The following ROBO2 variants were observed in gnomAD, a reference collection of about 807,000 sequenced individuals.
The protein encoded by ROBO2 is roundabout homolog 2.
A neutral mutation model predicts 160.8 loss-of-function variants in ROBO2; 53 were observed. The observed-to-expected ratio is 0.33, with a 90% CI of 0.26 to 0.41. ROBO2 has a LOEUF of 0.41. Among genes scored for constraint, ROBO2 ranks in the 10% least tolerant of loss-of-function variants. The pLI is 1.00. For missense variants in ROBO2, 1,577 were observed against 1,722.4 expected, an observed-to-expected ratio of 0.92 and a Z score of 1.49; for synonymous variants, 664 against 611.7, an observed-to-expected ratio of 1.09 and a Z score of -1.26.
At chr3:77,055,817 T>C (rs1202699801) in intron 1 of ROBO2, among the ~76,000 whole-genome samples, 1 of 152,200 alleles carries the variant, frequency 6.6e-6, no homozygotes, top group Non-Finnish European at 1.5e-5. Flanking sequence ...TCGCTTCTAA[T>C]TTTAAGTTTT....
intron 2 of ROBO2, among the ~76,000 whole-genome samples, chr3:77,401,211 A>ATATTT (rs2075766577): frequency 5.3e-5 from 8 of 151,862 alleles, no homozygotes; most frequent in Middle Eastern, 3.4e-3. Flanking sequence ...CTATGAGCTT[A>ATATTT]CATTTTATTT....
intron 2 of ROBO2, among the ~76,000 whole-genome samples, chr3:76,333,373 A>T (rs921701698): frequency 6.6e-6 from 1 of 152,172 alleles, no homozygotes; most frequent in African/African-American, 2.4e-5. Flanking sequence ...CATGATTCTC[A>T]CTGAATAGAT....
intron 2 of ROBO2, among the ~76,000 whole-genome samples, chr3:77,264,318 T>G (rs1323606610): frequency 1.3e-5 from 2 of 152,168 alleles, no homozygotes; most frequent in Non-Finnish European, 2.9e-5. Context: ...GTTGGTCTTA[T>G]TTTTTTAACA....
At chr3:76,434,644 T>A in intron 2 of ROBO2, 11 of 1,323,888 alleles carry the variant, frequency 8.3e-6, no homozygotes, top group Non-Finnish European at 1.2e-5. Flanking sequence ...GCAAAAGAAC[T>A]GAGTGGACTC....
intron 2 of ROBO2, among the ~76,000 whole-genome samples, chr3:76,017,414 A>T (rs749570852): frequency 7.2e-5 from 11 of 152,106 alleles, no homozygotes; most frequent in African/African-American, 2.4e-4. Flanking sequence ...TTTATTTTCA[A>T]TGTGTCCTGA....
chr3:76,293,226 G>A (rs1321829580), intron 2 of ROBO2, among the ~76,000 whole-genome samples: 4 of 152,258 alleles, frequency 2.6e-5, no homozygotes, highest in Admixed American at 6.5e-5. Flanking sequence ...CTTCTTGTCC[G>A]CTAGCATGTG....
At chr3:75,914,440 C>G (rs1016862606) in intron 1 of ROBO2, among the ~76,000 whole-genome samples, 2 of 152,114 alleles carry the variant, frequency 1.3e-5, no homozygotes, top group Non-Finnish European at 2.9e-5. Context: ...CCTTATTGCT[C>G]TCTGCCTTCC....
intron 2 of ROBO2, among the ~76,000 whole-genome samples, chr3:76,911,981 T>C (rs893949651): frequency 6.6e-6 from 1 of 152,076 alleles, no homozygotes; most frequent in East Asian, 1.9e-4. Flanking sequence ...AAAAAAATAT[T>C]TTAATTAATC....
intron 2 of ROBO2, among the ~76,000 whole-genome samples, chr3:76,558,390 A>AG: frequency 6.6e-6 from 1 of 152,156 alleles, no homozygotes; most frequent in Middle Eastern, 3.4e-3. Context: ...GTGCTATGAG[A>AG]GAAAAAATGT....
chr3:76,939,423 A>G (rs1490856338), intron 2 of ROBO2, among the ~76,000 whole-genome samples: 5 of 152,214 alleles, frequency 3.3e-5, no homozygotes, highest in Non-Finnish European at 2.9e-5. Context: ...ATGAGCTATA[A>G]GATTTCCTTC....
chr3:77,351,051 C>T (rs1449014497), intron 2 of ROBO2, among the ~76,000 whole-genome samples: 1 of 152,132 alleles, frequency 6.6e-6, no homozygotes, highest in Non-Finnish European at 1.5e-5. Context: ...TAATAGTTAA[C>T]AAAGCACTCA....
intron 2 of ROBO2, among the ~76,000 whole-genome samples, chr3:77,011,948 T>C (rs1440528713): frequency 1.3e-5 from 2 of 152,136 alleles, no homozygotes; most frequent in African/African-American, 2.4e-5. Context: ...AAAACAAATT[T>C]ATGTAGGCTT....
chr3:77,549,800 G>A (rs974364356), intron 7 of ROBO2, among the ~76,000 whole-genome samples: 1 of 151,946 alleles, frequency 6.6e-6, no homozygotes, highest in Non-Finnish European at 1.5e-5. Context: ...GCCTTTAATT[G>A]AATGTTATTG....
intron 2 of ROBO2, among the ~76,000 whole-genome samples, chr3:76,834,295 C>T (rs1156566677): frequency 6.6e-6 from 1 of 151,294 alleles, no homozygotes; most frequent in Non-Finnish European, 1.5e-5. Flanking sequence ...TCAAGGGATC[C>T]TCCTGCCTCA....
intron 2 of ROBO2, among the ~76,000 whole-genome samples, chr3:76,709,400 G>C (rs914495769): frequency 2.6e-5 from 4 of 152,172 alleles, no homozygotes; most frequent in African/African-American, 9.7e-5. Flanking sequence ...CAGGAAGAAA[G>C]GGTAGGGATT....
At chr3:76,078,748 A>G (rs961856806) in intron 2 of ROBO2, among the ~76,000 whole-genome samples, 1 of 152,176 alleles carries the variant, frequency 6.6e-6, no homozygotes, top group African/African-American at 2.4e-5. Context: ...TTAGAAAAAA[A>G]AAGCTTGCCA....
rs141390072 is a variant in ROBO2 at position 77,445,764 on chromosome 3, T to C, written c.389-31650T>C. ...TGTAGTAGCATATAAAGGTACCAGTTGCTTTTAAACAATTAAAAGGTTTTT... is the reference window on the plus strand; with the variant it reads ...TGTAGTAGCATATAAAGGTACCAGTCGCTTTTAAACAATTAAAAGGTTTTT... On this transcript the variant is annotated intron_variant, in intron 2 of 25. Transcript: ENST00000461745. Among the ~76,000 whole-genome samples, 916 of 150,778 alleles carry C rather than the reference T, an allele frequency of 6.1e-3. 10 individuals carry two copies. Among genetic ancestry groups the C allele is most frequent in the African/African-American group, 0.021 (856 of 41,224 alleles).
At chr3:76,639,230 A>G (rs868090278) in intron 2 of ROBO2, among the ~76,000 whole-genome samples, 4 of 152,026 alleles carry the variant, frequency 2.6e-5, no homozygotes, top group Non-Finnish European at 5.9e-5. Context: ...ATATTTACAT[A>G]TACAGACGTG....
chr3:76,884,168 A>T (rs188730055), intron 2 of ROBO2, among the ~76,000 whole-genome samples: 79 of 152,304 alleles, frequency 5.2e-4, no homozygotes, highest in African/African-American at 1.8e-3. Flanking sequence ...AATTTGGCAT[A>T]ATTCTGTTTT....
Sources: gnomAD v4.1 joint callset for allele counts (sites outside exome capture counted in the v4.1 genomes callset) on GRCh38, gnomAD v4.1.1 for gene constraint, MANE v1.5 for transcripts, NCBI Gene and HGNC (gene_info 2026-07-23, HGNC 2026-07-21) for gene names.